Variants in PDE4B observed in about 807,000 individuals in gnomAD.
The protein encoded by PDE4B is phosphodiesterase 4B, also known as 3',5'-cyclic-AMP phosphodiesterase 4B.
PDE4B carries 20 observed loss-of-function variants against 82.2 expected under a neutral mutation model. The observed-to-expected ratio is 0.24, with a 90% CI of 0.17 to 0.35. PDE4B has a LOEUF of 0.35. Ranked by LOEUF, PDE4B falls within the 10% of genes least tolerant of loss-of-function variation. The pLI is 1.00. For missense variants in PDE4B, 655 were observed against 907.2 expected (o/e 0.72, Z 3.57); for synonymous variants, 320 against 318.9 (o/e 1.00, Z -0.04).
chr1:66,168,323 G>A (rs1479557152), intron 3 of PDE4B, among the ~76,000 whole-genome samples: 3 of 152,016 alleles, frequency 2.0e-5, no homozygotes, highest in African/African-American at 7.3e-5. Context: ...TAAATATATG[G>A]TATATTAGAC....
intron 1 of PDE4B, among the ~76,000 whole-genome samples, chr1:65,823,273 G>A (rs1645975948): frequency 6.6e-6 from 1 of 151,866 alleles, no homozygotes; most frequent in Admixed American, 6.6e-5. Flanking sequence ...GTGTGTGTCT[G>A]TAATCCCAGC....
In PDE4B at chr1:66,106,660, G is replaced by T. The variant is rs541850115; in HGVS notation, c.282-140800G>T. Among the ~76,000 whole-genome samples, 3 of 152,144 alleles carry T rather than the reference G, an allele frequency of 2.0e-5. No individual in the cohort carries two copies. In the East Asian group the frequency reaches 5.8e-4, roughly 29 times the overall value. ...AGAGATTCAACTTCTTCCTGGTTTG[G>T]TCTTGGGAGGGCGTATGTGTTGAGA... On this transcript the variant is annotated intron_variant, in intron 3 of 16. Transcript: ENST00000341517.
At chr1:65,907,370 G>A (rs1647038499) in intron 1 of PDE4B, among the ~76,000 whole-genome samples, 1 of 152,034 alleles carries the variant, frequency 6.6e-6, no homozygotes, top group Admixed American at 6.6e-5. Context: ...ATTTCTGCTA[G>A]TTTTCTGGAA....
intron 3 of PDE4B, among the ~76,000 whole-genome samples, chr1:66,235,682 C>T (rs1197775276): frequency 6.6e-6 from 1 of 152,066 alleles, no homozygotes; most frequent in Non-Finnish European, 1.5e-5. Context: ...GATGTTTAGA[C>T]CATTTACATT....
At chr1:66,178,928 T>C (rs539351202) in intron 3 of PDE4B, among the ~76,000 whole-genome samples, 31 of 152,296 alleles carry the variant, frequency 2.0e-4, no homozygotes, top group Non-Finnish European at 4.3e-4. Flanking sequence ...CTCGGCTCAC[T>C]GCAACCTCCA....
At chr1:65,991,006 T>G (rs2100676815) in intron 3 of PDE4B, among the ~76,000 whole-genome samples, 1 of 152,262 alleles carries the variant, frequency 6.6e-6, no homozygotes, top group Non-Finnish European at 1.5e-5. Context: ...CTCCTACATG[T>G]AGGAGTTAGT....
chr1:66,224,646 G>C (rs1016671329), intron 3 of PDE4B, among the ~76,000 whole-genome samples: 5 of 152,196 alleles, frequency 3.3e-5, no homozygotes, highest in African/African-American at 9.7e-5. Context: ...TTGAGCTTGG[G>C]AGGCAGAGGT....
At chr1:66,284,713 A>G (rs1234205812) in intron 7 of PDE4B, among the ~76,000 whole-genome samples, 1 of 152,188 alleles carries the variant, frequency 6.6e-6, no homozygotes, top group Non-Finnish European at 1.5e-5. Context: ...TTAATTGCTT[A>G]GTTATTGGAA....
chr1:65,903,192 G>C (rs549125390), intron 1 of PDE4B, among the ~76,000 whole-genome samples: 1 of 152,234 alleles, frequency 6.6e-6, no homozygotes, highest in East Asian at 1.9e-4. Flanking sequence ...CAGAGTTCCA[G>C]AATGTAAAAT....
chr1:66,008,298 T>C (rs1652268629), intron 3 of PDE4B, among the ~76,000 whole-genome samples: 1 of 152,142 alleles, frequency 6.6e-6, no homozygotes, highest in Non-Finnish European at 1.5e-5. Flanking sequence ...GGCATGTCAT[T>C]GTATTTGCAA....
intron 3 of PDE4B, among the ~76,000 whole-genome samples, chr1:66,186,848 G>A (rs7546655): frequency 1.3e-5 from 2 of 151,814 alleles, no homozygotes; most frequent in Admixed American, 1.3e-4. Context: ...CTAATTGCCC[G>A]GGCCAGAGCT....
At chr1:65,848,514 T>A (rs1265256224) in intron 1 of PDE4B, among the ~76,000 whole-genome samples, 2 of 152,152 alleles carry the variant, frequency 1.3e-5, no homozygotes, top group Non-Finnish European at 2.9e-5. Context: ...CTTTCTATTA[T>A]CTTAAGAGTC....
At chr1:65,815,499 T>C (rs1186001344) in intron 1 of PDE4B, among the ~76,000 whole-genome samples, 1 of 152,080 alleles carries the variant, frequency 6.6e-6, no homozygotes, top group African/African-American at 2.4e-5. Flanking sequence ...CTGGATTGGA[T>C]GCTGGAATGG....
At chr1:66,168,010 C>T (rs1417072021) in intron 3 of PDE4B, among the ~76,000 whole-genome samples, 3 of 152,132 alleles carry the variant, frequency 2.0e-5, no homozygotes, top group Non-Finnish European at 4.4e-5. Context: ...GAAAATAAAG[C>T]CTTTTCCTGT....
chr1:66,102,242 TAAG>T lies in PDE4B; in HGVS notation c.282-145210_282-145208del, dbSNP rs991067742. ...AGTTTTTTGGGTTTGTTTTTGTTTT[TAAG>T]AAGAAGATTTCTGCATCATACAAAT... On this transcript the variant is annotated intron_variant, in intron 3 of 16. Coordinates refer to ENST00000341517, the MANE Select transcript of PDE4B (RefSeq NM_002600.4). Among the ~76,000 whole-genome samples the T allele has an allele frequency of 1.3e-4, 20 of 152,182 alleles. No individual in the cohort carries two copies. The South Asian group carries it at 3.9e-3, about 30-fold the overall frequency.
At chr1:66,035,266 A>G (rs907398167) in intron 3 of PDE4B, among the ~76,000 whole-genome samples, 2 of 149,740 alleles carry the variant, frequency 1.3e-5, no homozygotes, top group African/African-American at 5.0e-5. Flanking sequence ...AGATTGTGGA[A>G]TGATCAAATC....
intron 8 of PDE4B, among the ~76,000 whole-genome samples, chr1:66,350,384 ATT>A (rs1661734090): frequency 2.0e-5 from 3 of 151,968 alleles, no homozygotes; most frequent in Non-Finnish European, 4.4e-5. Flanking sequence ...ACACCTTTTT[ATT>A]CTCTGTTCTT....
At chr1:66,363,871 A>T (rs1663018807) in intron 12 of PDE4B, among the ~76,000 whole-genome samples, 1 of 152,232 alleles carries the variant, frequency 6.6e-6, no homozygotes, top group Admixed American at 6.5e-5. Context: ...CAGGTTCTTT[A>T]TAAAATGTAT....
intron 1 of PDE4B, among the ~76,000 whole-genome samples, chr1:65,903,839 G>A (rs1457335284): frequency 1.3e-5 from 2 of 152,124 alleles, no homozygotes; most frequent in African/African-American, 4.8e-5. Context: ...GGGACAGACA[G>A]GCCCAAATTG....
Sources: gnomAD v4.1 joint callset for allele counts (sites outside exome capture counted in the v4.1 genomes callset) on GRCh38, gnomAD v4.1.1 for gene constraint, MANE v1.5 for transcripts, NCBI Gene and HGNC (gene_info 2026-07-23, HGNC 2026-07-21) for gene names.